The following DIS3L2 variants were observed in gnomAD, a reference collection of about 807,000 sequenced individuals.
The protein encoded by DIS3L2 is DIS3-like exonuclease 2.
DIS3L2 carries 34 observed loss-of-function variants against 97.5 expected under a neutral mutation model. That is an observed-to-expected ratio of 0.35 (90% CI 0.27 to 0.46). The LOEUF is 0.46. Ranked by LOEUF, DIS3L2 falls within the 20% of genes least tolerant of loss-of-function variation. The pLI is 1.00. For missense variants in DIS3L2, 1,038 were observed against 1,146.0 expected, an observed-to-expected ratio of 0.91 and a Z score of 1.36; for synonymous variants, 435 against 445.2, an observed-to-expected ratio of 0.98 and a Z score of 0.29.
intron 5 of DIS3L2, among the ~76,000 whole-genome samples, chr2:232,062,999 G>C (rs1270318800): frequency 6.6e-6 from 1 of 151,776 alleles, no homozygotes; most frequent in Non-Finnish European, 1.5e-5. Flanking sequence ...GGCTCTTACT[G>C]TTCACATTAT....
At chr2:232,107,311 C>G (rs1287902231) in intron 6 of DIS3L2, among the ~76,000 whole-genome samples, 1 of 152,120 alleles carries the variant, frequency 6.6e-6, no homozygotes, top group Non-Finnish European at 1.5e-5. Flanking sequence ...ATTAAGAAGT[C>G]CAGGAGCTGG....
At chr2:232,011,055 C>A (rs972750772) in intron 1 of DIS3L2, among the ~76,000 whole-genome samples, 1 of 152,214 alleles carries the variant, frequency 6.6e-6, no homozygotes, top group South Asian at 2.1e-4. Context: ...TTTCCCCATT[C>A]CTCATCCTTC....
chr2:232,119,104 G>A (rs1574889461), intron 6 of DIS3L2, among the ~76,000 whole-genome samples: 2 of 152,194 alleles, frequency 1.3e-5, no homozygotes, highest in East Asian at 1.9e-4. Context: ...TATTGCTGCT[G>A]GAGATGTTCA....
In DIS3L2 at chr2:231,971,826, CT is replaced by C. The variant is rs374907582; in HGVS notation, c.-94+10062del. 3.6e-4 allele frequency among the ~76,000 whole-genome samples: 54 copies of C among 151,686 alleles called. No homozygotes were observed. The East Asian group carries it at 8.6e-3, about 24-fold the overall frequency. ...TCAAACTCCAGACCTCGTGATCTGCCTGCCTCCGCCTCCCAAAGTGCTGGGA... is the reference window on the plus strand; with the variant it reads ...TCAAACTCCAGACCTCGTGATCTGCCGCCTCCGCCTCCCAAAGTGCTGGGA... On this transcript the variant is annotated intron_variant, in intron 1 of 20. Transcript: ENST00000325385.
chr2:232,334,017 C>T, intron 17 of DIS3L2, 30 bp downstream of exon 17: 1 of 1,592,350 alleles, frequency 6.3e-7, no homozygotes, highest in African/African-American at 1.3e-5. Context: ...TCAGGGCAGA[C>T]CTGGGCCAGC....
At chr2:232,259,567 A>T (rs1367275304) in intron 12 of DIS3L2, among the ~76,000 whole-genome samples, 3 of 152,074 alleles carry the variant, frequency 2.0e-5, no homozygotes, top group Non-Finnish European at 4.4e-5. Context: ...GCTACGTTTT[A>T]TGCATAAATA....
chr2:232,176,368 G>A (rs1481476770), intron 9 of DIS3L2, among the ~76,000 whole-genome samples: 1 of 151,996 alleles, frequency 6.6e-6, no homozygotes, highest in Non-Finnish European at 1.5e-5. Flanking sequence ...GGTCAGCTTA[G>A]CTCAGGGTTT....
chr2:232,165,562 T>C (rs902036623), intron 9 of DIS3L2, among the ~76,000 whole-genome samples: 9 of 152,218 alleles, frequency 5.9e-5, no homozygotes, highest in Non-Finnish European at 1.2e-4. Context: ...TCTCACTCTG[T>C]TGCCCAGGCG....
At chr2:232,218,100 G>T (rs1692391922) in intron 10 of DIS3L2, among the ~76,000 whole-genome samples, 2 of 152,196 alleles carry the variant, frequency 1.3e-5, no homozygotes, top group Admixed American at 1.3e-4. Flanking sequence ...GAAGATTAGA[G>T]TCCTGCCTTG....
intron 5 of DIS3L2, among the ~76,000 whole-genome samples, chr2:232,038,362 T>C (rs1372251114): frequency 6.6e-6 from 1 of 151,982 alleles, no homozygotes; most frequent in Non-Finnish European, 1.5e-5. Context: ...AGTGGTAGAA[T>C]AGGGAGAAAC....
At chr2:232,303,218 A>C (rs1450056005) in intron 14 of DIS3L2, among the ~76,000 whole-genome samples, 1 of 152,190 alleles carries the variant, frequency 6.6e-6, no homozygotes, top group Non-Finnish European at 1.5e-5. Flanking sequence ...CTCATGAGTT[A>C]TGAAGCACGG....
chr2:232,183,592 G>A (rs1267646242), intron 9 of DIS3L2, among the ~76,000 whole-genome samples: 1 of 152,174 alleles, frequency 6.6e-6, no homozygotes. Context: ...TTATCCCCAG[G>A]AATGTGTCAG....
intron 13 of DIS3L2, among the ~76,000 whole-genome samples, chr2:232,342,799 C>T (rs1197170996): frequency 4.6e-5 from 7 of 152,310 alleles, no homozygotes; most frequent in African/African-American, 1.7e-4. Context: ...GGCTGGGGCC[C>T]CTGGGAGCCC....
chr2:232,005,842 A>G (rs1694039216), intron 1 of DIS3L2, among the ~76,000 whole-genome samples: 1 of 152,178 alleles, frequency 6.6e-6, no homozygotes, highest in Non-Finnish European at 1.5e-5. Flanking sequence ...ATGCGCCTGG[A>G]AGGATGGGTT....
At position 232,173,868 on chromosome 2, in the gene DIS3L2, A is replaced by G. The variant is rs971910553; in HGVS notation, c.1124+10236A>G. Among the ~76,000 whole-genome samples the G allele has an allele frequency of 1.4e-4, 22 of 152,224 alleles. 3 individuals are homozygous for G. Among genetic ancestry groups the G allele is most frequent in the Admixed American group, 1.4e-3 (22 of 15,284 alleles). ...TTTGTAGTAAGTTTTGAAATTGAGA[A>G]GTGTGATTCTTCCAACTTTGCTTTT... is the stretch of plus-strand genomic sequence containing the variant. On this transcript the variant is annotated intron_variant, in intron 9 of 20. Coordinates refer to ENST00000325385, the MANE Select transcript of DIS3L2 (RefSeq NM_152383.5).
In DIS3L2 at chr2:232,249,342, G is replaced by A. The variant is rs1470342114; in HGVS notation, c.1421G>A (p.Gly474Asp). Reference sequence around the variant, plus strand: ...GTGATCTGGACACTGACTCCAGAGGGCAAGGTAACAACTTACACGTTTTCT... The same window carrying A: ...GTGATCTGGACACTGACTCCAGAGGACAAGGTAACAACTTACACGTTTTCT... The part of the protein sequence containing the change: ...FSVIWTLTPE[G>D]KILDEWFGRT... The change falls in exon 12 of 21, where the codon GGC (glycine) becomes GAC (aspartate). Residue 474 changes from glycine (G) to aspartate (D), a missense_variant. By Grantham distance (94) the Gly-to-Asp change is moderately conservative (BLOSUM62 -1). Around this residue, in one of 3 missense-constraint regions of DIS3L2, gnomAD observed 813 missense variants for 880.1 expected, o/e 0.92. Transcript: ENST00000325385. 6.2e-7 allele frequency: 1 copy of A among 1,613,986 alleles called. No homozygotes were observed. Among genetic ancestry groups the A allele is most frequent in the South Asian group, 1.1e-5 (1 of 91,040 alleles).
chr2:231,963,351 A>G (rs148162185), intron 1 of DIS3L2, among the ~76,000 whole-genome samples: 138 of 152,158 alleles, frequency 9.1e-4, no homozygotes, highest in African/African-American at 3.1e-3. Flanking sequence ...TGTTTTCCAT[A>G]TATTTGTTGG....
At chr2:232,253,187 T>C (rs1018795047) in intron 12 of DIS3L2, among the ~76,000 whole-genome samples, 3 of 152,184 alleles carry the variant, frequency 2.0e-5, no homozygotes, top group African/African-American at 7.2e-5. Context: ...ATTAATAATT[T>C]TTACTCCTCT....
At chr2:232,270,086 G>T (rs1001896812) in intron 13 of DIS3L2, among the ~76,000 whole-genome samples, 18 of 152,116 alleles carry the variant, frequency 1.2e-4, no homozygotes, top group Non-Finnish European at 2.2e-4. Flanking sequence ...AGGGAATCAG[G>T]TTTCCAGTTT....
Sources: allele counts gnomAD v4.1 joint callset (sites outside exome capture counted in the v4.1 genomes callset), GRCh38; gene constraint gnomAD v4.1.1; regional missense constraint gnomAD v4.1.1; transcripts MANE v1.5; gene names NCBI Gene and HGNC (gene_info 2026-07-23, HGNC 2026-07-21).